PROM1: variants seen among roughly 807,000 people sequenced by gnomAD.
The protein encoded by PROM1 is prominin-1.
In PROM1, 105 loss-of-function variants were observed where a neutral mutation model predicts 116.9. The observed-to-expected ratio is 0.90, with a 90% CI of 0.77 to 1.06. PROM1 has a LOEUF of 1.06. Ranked by LOEUF, PROM1 falls within the 50% of genes least tolerant of loss-of-function variation. The pLI is 0.00. For synonymous variants in PROM1, 393 were observed against 387.0 expected (o/e 1.02, Z -0.18); for missense variants, 1,122 against 1,045.2 (o/e 1.07, Z -1.01).
At chr4:16,072,600 CAA>C (rs1051237876) in intron 2 of PROM1, among the ~76,000 whole-genome samples, 1 of 152,202 alleles carries the variant, frequency 6.6e-6, no homozygotes, top group South Asian at 2.1e-4. Context: ...AACTTTGAAA[CAA>C]AGACAGTAAC....
rs150554577 is a variant in PROM1, at chr4:16,041,375, A to C, written c.221-2374T>G. Among the ~76,000 whole-genome samples, 66 of 152,348 alleles carry C rather than the reference A, an allele frequency of 4.3e-4. 2 individuals are homozygous for C. The East Asian group carries it at 0.011, about 26-fold the overall frequency. On this transcript the variant is annotated intron_variant, in intron 2 of 27. Transcript: ENST00000447510. ...AAAAAAAAATGGTAACTACACATAA[A>C]GCTCTTTCATATACATCAAAGTATA... is the stretch of plus-strand genomic sequence containing the variant.
intron 2 of PROM1, among the ~76,000 whole-genome samples, chr4:16,058,295 A>C (rs1739500203): frequency 6.6e-6 from 1 of 152,190 alleles, no homozygotes; most frequent in South Asian, 2.1e-4. Context: ...AACAACTCAT[A>C]CTTTTTAAAA....
At chr4:15,996,856 C>T (rs1420259456) in intron 15 of PROM1, among the ~76,000 whole-genome samples, 1 of 152,040 alleles carries the variant, frequency 6.6e-6, no homozygotes, top group Non-Finnish European at 1.5e-5. Flanking sequence ...ACGTGTAGGG[C>T]ATGGAAGGGC....
At chr4:16,006,790 C>T (rs1725616565) in intron 12 of PROM1, 100 bp from the exon 13 acceptor site, 1 of 1,229,288 alleles carries the variant, frequency 8.1e-7, no homozygotes, top group Non-Finnish European at 1.1e-6. Flanking sequence ...TTATTCTTGG[C>T]TTCTAAAATC....
At chr4:16,013,481 G>A in intron 10 of PROM1, 143 bp from the exon 11 acceptor site, 1 of 595,796 alleles carries the variant, frequency 1.7e-6, no homozygotes, top group Non-Finnish European at 3.0e-6. Context: ...TCATTATATG[G>A]TCATCAAGAG....
At chr4:16,028,630 AT>A (rs1731949959) in intron 5 of PROM1, among the ~76,000 whole-genome samples, 1 of 152,088 alleles carries the variant, frequency 6.6e-6, no homozygotes, top group African/African-American at 2.4e-5. Context: ...TGTTCAGTGT[AT>A]TTTTTAGCAA....
chr4:16,000,845 G>A (rs1723627492), intron 13 of PROM1, among the ~76,000 whole-genome samples: 1 of 151,870 alleles, frequency 6.6e-6, no homozygotes, highest in African/African-American at 2.4e-5. Context: ...ACCTGGGGAG[G>A]GGCAGCTCCA....
intron 26 of PROM1, among the ~76,000 whole-genome samples, chr4:15,978,767 A>G (rs1184340029): frequency 2.6e-5 from 4 of 152,172 alleles, no homozygotes; most frequent in Non-Finnish European, 5.9e-5. Context: ...TCCACCTCTT[A>G]TAAGCAGATA....
Position 16,000,597 on chromosome 4 carries a change from A to T in PROM1, c.1477T>A (p.Phe493Ile). 6.3e-7 allele frequency: 1 copy of T among 1,575,194 alleles called. No homozygotes were observed. Among genetic ancestry groups the T allele is most frequent in the East Asian group, 2.2e-5 (1 of 44,606 alleles). Residue 493 changes from phenylalanine (F) to isoleucine (I), a missense_variant, in exon 14 of 28, where the codon TTT becomes ATT. Phe to Ile is a conservative substitution (Grantham distance 21). Transcript: ENST00000447510. ...LMVGVGLSFL[F>I]CWILMIIVVL... ...ACAATGATCATCAATATCCAGCAAA[A>T]GAGGAAACTTAATCCAACTCCACTG...
At chr4:16,041,036 G>A (rs2149420255) in intron 2 of PROM1, among the ~76,000 whole-genome samples, 2 of 152,364 alleles carry the variant, frequency 1.3e-5, no homozygotes, top group Admixed American at 1.3e-4. Context: ...TCACGGGTCT[G>A]AACCAGCGGG....
chr4:16,071,642 T>C (rs1242120441), intron 2 of PROM1, among the ~76,000 whole-genome samples: 1 of 152,188 alleles, frequency 6.6e-6, no homozygotes, highest in African/African-American at 2.4e-5. Context: ...GGAAAGAGCA[T>C]GTGAGCACAC....
intron 2 of PROM1, among the ~76,000 whole-genome samples, chr4:16,047,408 T>C (rs949505666): frequency 1.3e-5 from 2 of 152,074 alleles, no homozygotes; most frequent in Non-Finnish European, 2.9e-5. Flanking sequence ...TTTCACCATG[T>C]TAGCCAGGCT....
intron 15 of PROM1, among the ~76,000 whole-genome samples, chr4:15,997,103 G>T (rs1265376044): frequency 1.3e-5 from 2 of 151,594 alleles, no homozygotes; most frequent in Non-Finnish European, 2.9e-5. Context: ...CTGCCCATGG[G>T]TTCACACCTA....
At chr4:15,987,578 T>G in intron 20 of PROM1, 85 bp downstream of exon 20, 1 of 1,358,132 alleles carries the variant, frequency 7.4e-7, no homozygotes, top group Non-Finnish European at 1.0e-6. Context: ...CAACTTAAAG[T>G]ACCTACAAAA....
At position 16,018,379 on chromosome 4, in the gene PROM1, A is replaced by G; in HGVS notation, c.946T>C (p.Cys316Arg). 1 of 1,613,772 alleles carries G rather than the reference A, an allele frequency of 6.2e-7. No individual in the cohort carries two copies. Among genetic ancestry groups the G allele is most frequent in the Non-Finnish European group, 8.5e-7 (1 of 1,179,878 alleles). Reference sequence around the variant, plus strand: ...CTTAGAGACAATCTGATGCTGTTGCAGGTTTCACTTGATGGATGCACCAAG... The same window carrying G: ...CTTAGAGACAATCTGATGCTGTTGCGGGTTTCACTTGATGGATGCACCAAG... Reference protein sequence around the residue: ...LCLVHPSSETCNSIRLSLSQL... With the variant: ...LCLVHPSSETRNSIRLSLSQL... Residue 316 changes from cysteine to arginine, a missense_variant, in exon 9 of 28, where the codon TGC becomes CGC. Transcript: ENST00000447510.
chr4:15,973,244 C>T (rs1180596971), intron 26 of PROM1, among the ~76,000 whole-genome samples: 1 of 152,142 alleles, frequency 6.6e-6, no homozygotes, highest in African/African-American at 2.4e-5. Context: ...GTCAGGAGTT[C>T]AAGACCAGCC....
At chr4:15,970,904 T>C in intron 27 of PROM1, 139 bp downstream of exon 27, 1 of 641,560 alleles carries the variant, frequency 1.6e-6, no homozygotes, top group Non-Finnish European at 2.7e-6. Flanking sequence ...GGACTGGACA[T>C]ATAAAATATC....
At chr4:16,079,655 C>T (rs1578350972) in intron 1 of PROM1, among the ~76,000 whole-genome samples, 1 of 152,120 alleles carries the variant, frequency 6.6e-6, no homozygotes, top group Non-Finnish European at 1.5e-5. Context: ...TATTAATGGA[C>T]CTAATTTCTG....
chr4:16,074,392 T>C (rs200728054), intron 2 of PROM1, among the ~76,000 whole-genome samples: 2 of 152,206 alleles, frequency 1.3e-5, no homozygotes, highest in African/African-American at 4.8e-5. Context: ...AAAATGTTAG[T>C]AGGTTATTTT....
Sources: allele counts gnomAD v4.1 joint callset (sites outside exome capture counted in the v4.1 genomes callset), GRCh38; gene constraint gnomAD v4.1.1; transcripts MANE v1.5; gene names NCBI Gene and HGNC (gene_info 2026-07-23, HGNC 2026-07-21).